The following PAPLN variants were observed in gnomAD, a reference collection of about 807,000 sequenced individuals.
PAPLN encodes the protein papilin, proteoglycan like sulfated glycoprotein.
PAPLN carries 146 observed loss-of-function variants against 159.0 expected under a neutral mutation model. The observed-to-expected ratio is 0.92, with a 90% confidence interval of 0.80 to 1.05. The LOEUF (loss-of-function observed/expected upper bound fraction) is 1.05. PAPLN is among the 50% of genes least tolerant of loss of function. The pLI is 0.00. For missense variants in PAPLN, 1,720 were observed against 1,743.9 expected (o/e 0.99, Z 0.24); for synonymous variants, 734 against 702.9 (o/e 1.04, Z -0.70).
chr14:73,258,896 G>T (rs1333559082), intron 14 of PAPLN, 83 bp from the exon 15 acceptor site: 51 of 1,329,378 alleles, frequency 3.8e-5, no homozygotes, highest in Non-Finnish European at 5.1e-5. Context: ...GTAGAAGCCA[G>T]TGCTGGGCAG....
intron 26 of PAPLN, among the ~76,000 whole-genome samples, chr14:73,271,570 C>G (rs1887724649): frequency 6.6e-6 from 1 of 151,568 alleles, no homozygotes; most frequent in African/African-American, 2.4e-5. Context: ...GGTGTGGTCT[C>G]AGCTCACTGT....
rs141898679 is a variant in PAPLN at position 73,263,671 on chromosome 14, C to T, written c.2750C>T (p.Ser917Leu). Residue 917 changes from serine (S) to leucine (L), a missense_variant, in exon 20 of 27, where the codon TCG becomes TTG. Ser to Leu is a moderately radical substitution (Grantham distance 145). Transcript: ENST00000644200. ...YRISLAGVEP[S>L]LVQAALGQLV... ...ATTAGCTTGGCAGGTGTGGAGCCCT[C>T]GTTGGTGCAGGCAGCCCTGGGGCAG... 3.3e-5 allele frequency: 53 copies of T among 1,613,554 alleles called. 1 individual carries two copies. Among genetic ancestry groups the T allele is most frequent in the South Asian group, 2.0e-4 (18 of 91,088 alleles).
chr14:73,236,862 AGAAAGAGGAAGAAAG>A, upstream of PAPLN, among the ~76,000 whole-genome samples: 1 of 141,058 alleles, frequency 7.1e-6, no homozygotes, highest in African/African-American at 2.8e-5. Flanking sequence ...AAGAAAGAAA[AGAAAGAGGAAGAAAG>A]GGAGGGAGGA....
intron 2 of PAPLN, among the ~76,000 whole-genome samples, chr14:73,241,029 C>T (rs1004063258): frequency 3.3e-5 from 5 of 151,982 alleles, no homozygotes; most frequent in Admixed American, 1.3e-4. Context: ...GGGGATGCCA[C>T]GTCTGGCATC....
At chr14:73,250,515 C>A (rs1398939072) in intron 6 of PAPLN, among the ~76,000 whole-genome samples, 1 of 152,204 alleles carries the variant, frequency 6.6e-6, no homozygotes, top group Non-Finnish European at 1.5e-5. Context: ...CGACCTTCTG[C>A]TCCCTAGAAA....
chr14:73,256,591 C>T (rs1885942572), intron 14 of PAPLN, among the ~76,000 whole-genome samples: 1 of 150,782 alleles, frequency 6.6e-6, no homozygotes, highest in African/African-American at 2.4e-5. Context: ...GTCTTCCAAC[C>T]CCAAATTATT....
rs781728847 is a variant in PAPLN at position 73,251,834 on chromosome 14, G to A, written c.841G>A (p.Glu281Lys). 142 of 1,593,020 alleles carry A rather than the reference G, an allele frequency of 8.9e-5. No homozygotes were observed. The highest frequency in any genetic ancestry group is 1.2e-4 in the Non-Finnish European group (138 of 1,172,840). ...CCCCACCTCGGAGCCCCTGGTCATCGAGGTAAATGGGGGTGTGGGGAGAGA... is the reference window on the plus strand; with the variant it reads ...CCCCACCTCGGAGCCCCTGGTCATCAAGGTAAATGGGGGTGTGGGGAGAGA... ...RGPTSEPLVIELISQEPNPGV... is the reference protein window; with the variant it reads ...RGPTSEPLVIKLISQEPNPGV... Residue 281 changes from glutamate to lysine, a missense_variant and splice_region_variant, in exon 9 of 27, where the codon GAG (glutamate) becomes AAG (lysine). By Grantham distance (56) the Glu-to-Lys change is moderately conservative. Coordinates refer to ENST00000644200, the MANE Select transcript of PAPLN (RefSeq NM_001365906.3).
Position 73,261,310 on chromosome 14 carries a change from C to G in PAPLN, c.2245+16C>G. ...CCCAGCCATGGTGAGTGGACACCCC[C>G]TCTCCTCCTTCTCGATGGGTAGACT... On this transcript the variant is annotated intron_variant, in intron 18 of 26. Coordinates refer to ENST00000644200, the MANE Select transcript of PAPLN (RefSeq NM_001365906.3). 4 of 1,612,256 alleles carry G rather than the reference C, an allele frequency of 2.5e-6. No homozygotes were observed. Among genetic ancestry groups the G allele is most frequent in the Non-Finnish European group, 1.7e-6 (2 of 1,179,356 alleles).
At chr14:73,261,678 T>C (rs58864342) in intron 18 of PAPLN, among the ~76,000 whole-genome samples, 1,996 of 152,176 alleles carry the variant, frequency 0.013, 45 homozygotes, top group African/African-American at 0.046. Context: ...AGCTGAGTGC[T>C]GGAGGGAGGG....
chr14:73,270,592 C>T (rs934167418), intron 26 of PAPLN, among the ~76,000 whole-genome samples: 1 of 152,172 alleles, frequency 6.6e-6, no homozygotes, highest in African/African-American at 2.4e-5. Flanking sequence ...ACCTTGTCTA[C>T]ATAATAACCA....
rs1002519543 is a variant in PAPLN at position 73,252,746 on chromosome 14, CA to C, written c.1067del (p.Asn356IlefsTer116). 2.5e-6 allele frequency: 4 copies of C among 1,613,476 alleles called. No homozygotes were observed. The African/African-American group carries it at 4.0e-5, about 16-fold the overall frequency. Reference sequence around the variant, plus strand: ...CACGGCCAGCTGACCGGCGTTCCTGCAATCTTCACCCTTGCCCGGAGACCAA... The same window carrying C: ...CACGGCCAGCTGACCGGCGTTCCTGCATCTTCACCCTTGCCCGGAGACCAA... ...QPRPADRRSCNLHPCPETKRW... is the reference protein window; with the variant it reads ...QPRPADRRSCXLHPCPETKRW... On this transcript the variant is annotated frameshift_variant, in exon 11 of 27. Coordinates refer to ENST00000644200, the MANE Select transcript of PAPLN (RefSeq NM_001365906.3). LOFTEE classifies it high-confidence loss of function.
rs1213532904 is a variant in PAPLN at position 73,251,748 on chromosome 14, T to C, written c.755T>C (p.Ile252Thr). 4 of 1,612,556 alleles carry C rather than the reference T, an allele frequency of 2.5e-6. No homozygotes were observed. The highest frequency in any genetic ancestry group is 2.7e-5 in the African/African-American group (2 of 74,866). The part of the protein sequence containing the change: ...AARALPAAST[I>T]LHYERGAEGD... ...CGGGCCCTGCCAGCAGCCAGCACCA[T>C]CCTGCATTACGAGCGGGGTGCTGAG... Residue 252 changes from isoleucine (I) to threonine (T), a missense_variant, in exon 9 of 27, where the codon ATC becomes ACC. Physicochemically the swap from Ile to Thr is moderately conservative, Grantham distance 89. Coordinates refer to ENST00000644200, the MANE Select transcript of PAPLN (RefSeq NM_001365906.3).
intron 16 of PAPLN, 108 bp from the exon 17 acceptor site, chr14:73,260,601 T>G: frequency 1.5e-6 from 2 of 1,325,176 alleles, no homozygotes; most frequent in Non-Finnish European, 1.9e-6. Context: ...CCCCCCCAGG[T>G]CCCCACCCTG....
chr14:73,256,898 T>TA (rs61367540), intron 14 of PAPLN, among the ~76,000 whole-genome samples: 255 of 150,874 alleles, frequency 1.7e-3, no homozygotes, highest in Middle Eastern at 0.014. Context: ...ATAAAAAGAT[T>TA]AAAAAAAAAA....
Position 73,253,780 on chromosome 14 carries a change from G to T in PAPLN, c.1121G>T (p.Cys374Phe). Residue 374 changes from cysteine (C) to phenylalanine (F), a missense_variant, in exon 12 of 27, where the codon TGC becomes TTC. By Grantham distance (205) the Cys-to-Phe change is radical (BLOSUM62 -2). Transcript: ENST00000644200. ...KRWKAGPWAP[C>F]SASCGGGSQS... ...TGGAAGGCAGGGCCATGGGCACCCT[G>T]CTCAGCCTCCTGTGGAGGAGGCTCC... The T allele has an allele frequency of 6.2e-7, 1 of 1,605,024 alleles. No individual in the cohort carries two copies. Among genetic ancestry groups the T allele is most frequent in the South Asian group, 1.1e-5 (1 of 90,700 alleles).
chr14:73,247,889 CGTGTGT>C (rs71112721), intron 5 of PAPLN, among the ~76,000 whole-genome samples: 526 of 19,832 alleles, frequency 0.027, 17 homozygotes, highest in African/African-American at 0.079. Context: ...TCATATCCTC[CGTGTGT>C]GTGTGTGTGT....
chr14:73,265,301 G>T lies in PAPLN; in HGVS notation c.3126-69G>T. ...GAGAAGGGGCCACCAGGCTTGTGCA[G>T]AGGTGCCCATGGGAGTAGGCGGGGG... On this transcript the variant is annotated intron_variant, in intron 22 of 26. Transcript: ENST00000644200. The surrounding 1 kb of genome is among the most constrained non-coding windows in gnomAD (Gnocchi z 4.1). 6.4e-7 allele frequency: 1 copy of T among 1,568,050 alleles called. No individual in the cohort carries two copies. Among genetic ancestry groups the T allele is most frequent in the Non-Finnish European group, 8.6e-7 (1 of 1,161,008 alleles).
rs1279882859 is a variant in PAPLN, at chr14:73,245,899, A to G, written c.232-174A>G. 5 of 866,960 alleles carry G rather than the reference A, an allele frequency of 5.8e-6. No homozygotes were observed. Among genetic ancestry groups the G allele is most frequent in the African/African-American group, 1.9e-5 (1 of 52,542 alleles). The allele number at this position is 866,960 out of a possible 1,614,324, so 53.7% of individuals were successfully genotyped here. On this transcript the variant is annotated intron_variant, in intron 4 of 26. Coordinates refer to ENST00000644200, the MANE Select transcript of PAPLN (RefSeq NM_001365906.3). The surrounding 1 kb of genome is among the most constrained non-coding windows in gnomAD (Gnocchi z 4.2). The stretch of plus-strand genomic sequence containing the variant: ...GGCCTTGCCCTCCACAGCCTAGAGC[A>G]CCATGGAGGGGCACGCACAGGAGTT...
chr14:73,247,690 T>C (rs1333314785), intron 5 of PAPLN, among the ~76,000 whole-genome samples: 19 of 107,004 alleles, frequency 1.8e-4, no homozygotes, highest in South Asian at 6.2e-4. Flanking sequence ...GTTGTGGGGA[T>C]CGTGGCTGTG....
Sources: allele counts gnomAD v4.1 joint callset (sites outside exome capture counted in the v4.1 genomes callset), GRCh38; gene constraint gnomAD v4.1.1; non-coding constraint Gnocchi (gnomAD v3.1); transcripts MANE v1.5; gene names NCBI Gene and HGNC (gene_info 2026-07-23, HGNC 2026-07-21).